ANO5: variants seen among roughly 807,000 people sequenced by gnomAD.
The protein encoded by ANO5 is anoctamin-5.
A neutral mutation model predicts 121.0 loss-of-function variants in ANO5; 109 were observed. The observed-to-expected ratio is 0.90, with a 90% CI of 0.77 to 1.06. ANO5 has a LOEUF of 1.06. Ranked by LOEUF, ANO5 falls within the 50% of genes least tolerant of loss-of-function variation. The pLI, the probability that ANO5 is intolerant of heterozygous loss-of-function variation, is 0.00. For missense variants in ANO5, 1,064 were observed against 1,078.5 expected (o/e 0.99, Z 0.19); for synonymous variants, 406 against 359.9 (o/e 1.13, Z -1.45).
intron 1 of ANO5, among the ~76,000 whole-genome samples, chr11:22,194,279 A>G (rs76587389): frequency 0.023 from 3,558 of 152,228 alleles, 135 homozygotes; most frequent in African/African-American, 0.08. Context: ...CCAGGACCCC[A>G]GTTCCTTCAA....
intron 3 of ANO5, 98 bp downstream of exon 3, chr11:22,211,412 G>C (rs369226302): frequency 7.4e-7 from 1 of 1,342,860 alleles, no homozygotes; most frequent in Non-Finnish European, 1.1e-6. Flanking sequence ...TCAGTTATTT[G>C]ACATGCTCTC....
At chr11:22,279,332 G>T (rs528950165) in intron 21 of ANO5, among the ~76,000 whole-genome samples, 1 of 151,822 alleles carries the variant, frequency 6.6e-6, no homozygotes, top group Non-Finnish European at 1.5e-5. Context: ...TGTTCAACTG[G>T]AATATTGCTA....
chr11:22,252,029 CAAAAAAAAA>C (rs10525160), intron 12 of ANO5, among the ~76,000 whole-genome samples: 41 of 45,858 alleles, frequency 8.9e-4, no homozygotes, highest in African/African-American at 2.7e-3. Flanking sequence ...GACGCCGTCT[CAAAAAAAAA>C]AAAAAAAAAA....
At chr11:22,194,616 T>C (rs2133479020) in intron 1 of ANO5, among the ~76,000 whole-genome samples, 1 of 152,290 alleles carries the variant, frequency 6.6e-6, no homozygotes, top group East Asian at 1.9e-4. Flanking sequence ...CCTCCCCACT[T>C]CCTACCAGTA....
chr11:22,276,839 G>T lies in ANO5; in HGVS notation c.2520+640G>T, dbSNP rs533333759. ...GGCCTATCAGGGAGAGAAAATAAAA[G>T]AAAGGTACTTTTTCACCCTGGAATA... is the stretch of plus-strand genomic sequence containing the variant. On this transcript the variant is annotated intron_variant, in intron 21 of 21. Coordinates refer to ENST00000324559, the MANE Select transcript of ANO5 (RefSeq NM_213599.3). 2.0e-5 allele frequency among the ~76,000 whole-genome samples: 3 copies of T among 151,480 alleles called. No individual in the cohort carries two copies. In the East Asian group the frequency reaches 5.8e-4, roughly 29 times the overall value.
chr11:22,249,195 A>C lies in ANO5; in HGVS notation c.879-1042A>C, dbSNP rs1853718816. ...AAACAGAAAGATGCCTATTAATATTAAGAGTGTTGAAATATGAAGAATGGG... is the reference window on the plus strand; with the variant it reads ...AAACAGAAAGATGCCTATTAATATTCAGAGTGTTGAAATATGAAGAATGGG... On this transcript the variant is annotated intron_variant, in intron 9 of 21. Transcript: ENST00000324559. Among the ~76,000 whole-genome samples the C allele has an allele frequency of 2.0e-5, 3 of 152,190 alleles. No homozygotes were observed. In the South Asian group the frequency reaches 6.2e-4, roughly 32 times the overall value.
intron 9 of ANO5, among the ~76,000 whole-genome samples, chr11:22,241,515 T>C (rs1356191891): frequency 6.6e-6 from 1 of 152,060 alleles, no homozygotes; most frequent in African/African-American, 2.4e-5. Context: ...CCATCAACGG[T>C]GTATAAATGT....
intron 21 of ANO5, among the ~76,000 whole-genome samples, chr11:22,277,545 T>G (rs1224378728): frequency 6.6e-6 from 1 of 151,598 alleles, no homozygotes; most frequent in Admixed American, 6.6e-5. Context: ...GGTTTATAAA[T>G]TATGACTTTA....
In ANO5 at chr11:22,262,318, T is replaced by G; in HGVS notation, c.1800+20T>G. The G allele has an allele frequency of 6.2e-7, 1 of 1,611,706 alleles. No individual in the cohort carries two copies. The highest frequency in any genetic ancestry group is 8.5e-7 in the Non-Finnish European group (1 of 1,178,464). Reference sequence around the variant, plus strand: ...GAAGAGGTAAGAATTTCCTTGAGAGTTGAGGTGTGTAGCTTCAATACCTCA... The same window carrying G: ...GAAGAGGTAAGAATTTCCTTGAGAGGTGAGGTGTGTAGCTTCAATACCTCA... On this transcript the variant is annotated intron_variant, in intron 16 of 21. Transcript: ENST00000324559.
chr11:22,194,115 G>C (rs1851737693), intron 1 of ANO5, among the ~76,000 whole-genome samples: 1 of 152,178 alleles, frequency 6.6e-6, no homozygotes, highest in African/African-American at 2.4e-5. Flanking sequence ...TGCTGCTGCT[G>C]CTGTTGCTTT....
rs1554919178 is a variant in ANO5, at chr11:22,203,850, G to A, written c.87G>A (p.Glu29=). ...KHIDYSFQMS[E]QSLSSRETSF... ...TAGACTACTCTTTCCAAATGAGTGA[G>A]GTAAGTTAAATATATATGCATTAAC... Residue 29 remains glutamate (E), a splice_region_variant and synonymous_variant, in exon 2 of 22, where the codon GAG becomes GAA. Transcript: ENST00000324559. 6 of 1,467,852 alleles carry A rather than the reference G, an allele frequency of 4.1e-6. No individual in the cohort carries two copies. The highest frequency in any genetic ancestry group is 4.7e-6 in the Non-Finnish European group (5 of 1,054,306). 90.9% of individuals were successfully genotyped at this position (1,467,852 alleles called of 1,614,324 possible). A position where few individuals can be genotyped will look rare whatever the true frequency, so the allele number is the denominator to read the frequency against.
chr11:22,266,856 A>G (rs4601778), intron 17 of ANO5, among the ~76,000 whole-genome samples: 125,673 of 152,126 alleles, frequency 0.83, 52,438 homozygotes, highest in African/African-American at 0.93. Flanking sequence ...GACTCTATCC[A>G]CTAGATGCCA....
At chr11:22,210,945 T>C (rs956460805) in intron 2 of ANO5, among the ~76,000 whole-genome samples, 1 of 151,878 alleles carries the variant, frequency 6.6e-6, no homozygotes, top group African/African-American at 2.4e-5. Context: ...TCTTAACCAC[T>C]TCTTGTATCT....
chr11:22,262,919 G>C (rs1310969236), intron 16 of ANO5, 27 bp from the exon 17 acceptor site: 1 of 1,537,346 alleles, frequency 6.5e-7, no homozygotes, highest in South Asian at 1.1e-5. Context: ...ATTCAATTCT[G>C]TTTTCTCCCC....
chr11:22,195,257 C>A (rs7110597), intron 1 of ANO5, among the ~76,000 whole-genome samples: 1 of 151,988 alleles, frequency 6.6e-6, no homozygotes, highest in African/African-American at 2.4e-5. Flanking sequence ...GATCATTTGC[C>A]TGTTTACAAA....
In ANO5 at chr11:22,269,164, GATGGGAAGGGAAGAGAAGGAA is replaced by G. The variant is rs1247556293; in HGVS notation, c.1899-1146_1899-1126del. On this transcript the variant is annotated intron_variant, in intron 17 of 21. Coordinates refer to ENST00000324559, the MANE Select transcript of ANO5 (RefSeq NM_213599.3). ...GGGAGAAAGGAAAGGAAAGGGAAGG[GATGGGAAGGGAAGAGAAGGAA>G]AAGGGAAGGGAAGGGAAGAGAAGGG... Among the ~76,000 whole-genome samples the G allele has an allele frequency of 1.2e-4, 18 of 149,236 alleles. 1 individual carries two copies. The highest frequency in any genetic ancestry group is 4.0e-4 in the African/African-American group (16 of 40,194).
intron 3 of ANO5, among the ~76,000 whole-genome samples, chr11:22,215,765 C>G (rs1852421731): frequency 2.0e-5 from 3 of 151,856 alleles, no homozygotes; most frequent in Admixed American, 2.0e-4. Flanking sequence ...TTTTAACAAA[C>G]TATAATTTAT....
At chr11:22,206,504 G>A (rs1256294533) in intron 2 of ANO5, among the ~76,000 whole-genome samples, 1 of 151,910 alleles carries the variant, frequency 6.6e-6, no homozygotes, top group Non-Finnish European at 1.5e-5. Flanking sequence ...GTAGAGATGG[G>A]GGCTTCACCA....
In ANO5 at chr11:22,218,244, AG is replaced by A. The variant is rs868484837; in HGVS notation, c.139-1del. 28 of 1,613,196 alleles carry A rather than the reference AG, an allele frequency of 1.7e-5. No homozygotes were observed. Among genetic ancestry groups the A allele is most frequent in the Non-Finnish European group, 2.2e-5 (26 of 1,179,684 alleles). ...GCTAATTCTTTATTGGTTGCTTCACAGCCTGCAAAGCGATTCAATTTGTTCC... is the reference window on the plus strand; with the variant it reads ...GCTAATTCTTTATTGGTTGCTTCACACCTGCAAAGCGATTCAATTTGTTCC... On this transcript the variant is annotated splice_acceptor_variant, in intron 3 of 21. Coordinates refer to ENST00000324559, the MANE Select transcript of ANO5 (RefSeq NM_213599.3). LOFTEE classifies it high-confidence loss of function.
Sources: allele counts gnomAD v4.1 joint callset (sites outside exome capture counted in the v4.1 genomes callset), GRCh38; gene constraint gnomAD v4.1.1; transcripts MANE v1.5; gene names NCBI Gene and HGNC (gene_info 2026-07-23, HGNC 2026-07-21).